MAOB: variants seen among roughly 807,000 people sequenced by gnomAD.
The protein encoded by MAOB is monoamine oxidase B, also known as amine oxidase [flavin-containing] B.
A neutral mutation model predicts 41.9 loss-of-function variants in MAOB; 15 were observed. That is an observed-to-expected ratio of 0.36 (90% CI 0.24 to 0.55). MAOB has a LOEUF of 0.55. Among genes scored for constraint, MAOB ranks in the 20% least tolerant of loss-of-function variants. The pLI, the probability that MAOB is intolerant of heterozygous loss-of-function variation, is 0.86. For missense variants in MAOB, 345 were observed against 398.7 expected (o/e 0.87, Z 1.15); for synonymous variants, 167 against 144.2 (o/e 1.16, Z -1.13).
chrX:43,817,971 G>A (rs1040877840), intron 3 of MAOB, among the ~76,000 whole-genome samples: 1 of 111,983 alleles, frequency 8.9e-6, no homozygotes, highest in Non-Finnish European at 1.9e-5. Context: ...TTTTTCACTG[G>A]TGTATTCCCA....
intron 2 of MAOB, among the ~76,000 whole-genome samples, chrX:43,841,605 A>G (rs186199538): frequency 0.012 from 1,393 of 112,105 alleles, 12 homozygotes; most frequent in South Asian, 0.033. Flanking sequence ...AGCCAAAACA[A>G]TCTTGTACAA....
intron 11 of MAOB, among the ~76,000 whole-genome samples, chrX:43,777,387 C>CA (rs374282429): frequency 3.1e-3 from 299 of 95,107 alleles, no homozygotes; most frequent in African/African-American, 9.5e-3. Flanking sequence ...TATATGAAAG[C>CA]AAAAAAAAAA....
rs1263988686 is a variant in MAOB at position 43,767,253 on chromosome X, G to T, written c.*213C>A. 3 of 358,665 alleles carry T rather than the reference G, an allele frequency of 8.4e-6. No homozygotes were observed. Among genetic ancestry groups the T allele is most frequent in the Non-Finnish European group, 1.4e-5 (3 of 210,974 alleles). 29.6% of individuals were successfully genotyped at this position (358,665 alleles called of 1,213,427 possible). On this transcript the variant is annotated 3_prime_UTR_variant, in exon 15 of 15. Coordinates refer to ENST00000378069, the MANE Select transcript of MAOB (RefSeq NM_000898.5). Reference sequence around the variant, plus strand: ...GAGGGCAATAAACTTGGAAACTGGTGAAACAGAACGCTAAGCCAGGTAAGG... The same window carrying T: ...GAGGGCAATAAACTTGGAAACTGGTTAAACAGAACGCTAAGCCAGGTAAGG...
rs951662435 is a variant in MAOB at position 43,839,490 on chromosome X, C to T, written c.142-485G>A. Among the ~76,000 whole-genome samples, 22 of 111,979 alleles carry T rather than the reference C, an allele frequency of 2.0e-4. No individual in the cohort carries two copies. The South Asian group carries it at 2.2e-3, about 11-fold the overall frequency. On this transcript the variant is annotated intron_variant, in intron 2 of 14. Transcript: ENST00000378069. Reference sequence around the variant, plus strand: ...GCTTTTATGTTTAATAGTATATTTACGTAGTTTTGAATTGGTTTCATTTCC... The same window carrying T: ...GCTTTTATGTTTAATAGTATATTTATGTAGTTTTGAATTGGTTTCATTTCC...
In MAOB at chrX:43,862,791, CAT is replaced by C. The variant is rs760994141; in HGVS notation, c.47-19029_47-19028del. ...ATGAGTTACCTACCCAGTTCAGAAACATAAACAAATACTGGTTCATTCAGAAA... is the reference window on the plus strand; with the variant it reads ...ATGAGTTACCTACCCAGTTCAGAAACAAACAAATACTGGTTCATTCAGAAA... On this transcript the variant is annotated intron_variant, in intron 1 of 14. Coordinates refer to ENST00000378069, the MANE Select transcript of MAOB (RefSeq NM_000898.5). Among the ~76,000 whole-genome samples the C allele has an allele frequency of 4.5e-5, 5 of 111,683 alleles. No individual in the cohort carries two copies. The East Asian group carries it at 8.4e-4, about 19-fold the overall frequency.
chrX:43,789,070 C>T (rs1391166956), intron 8 of MAOB, among the ~76,000 whole-genome samples: 3 of 111,761 alleles, frequency 2.7e-5, no homozygotes, highest in Non-Finnish European at 5.6e-5. Flanking sequence ...GTTTCAAATA[C>T]ATCTTATACA....
At chrX:43,876,236 A>T (rs2035438771) in intron 1 of MAOB, among the ~76,000 whole-genome samples, 1 of 112,120 alleles carries the variant, frequency 8.9e-6, no homozygotes. Flanking sequence ...CTGGGATTAC[A>T]GGTGTGAGCC....
intron 1 of MAOB, among the ~76,000 whole-genome samples, chrX:43,855,550 G>A (rs2035282341): frequency 9.0e-6 from 1 of 111,276 alleles, no homozygotes; most frequent in South Asian, 3.8e-4. Context: ...TGGGGATTGA[G>A]TGGCACCCTT....
At chrX:43,788,124 A>C (rs989763235) in intron 8 of MAOB, among the ~76,000 whole-genome samples, 7 of 111,217 alleles carry the variant, frequency 6.3e-5, no homozygotes, top group Non-Finnish European at 1.3e-4. Flanking sequence ...TCATGGCTGA[A>C]GGTGAAGAGG....
intron 3 of MAOB, among the ~76,000 whole-genome samples, chrX:43,820,764 G>A (rs1365880692): frequency 9.0e-6 from 1 of 111,714 alleles, no homozygotes; most frequent in African/African-American, 3.3e-5. Context: ...TAGTATTATG[G>A]GTCATCAGTG....
intron 3 of MAOB, among the ~76,000 whole-genome samples, chrX:43,838,240 A>T (rs1181865895): frequency 9.0e-6 from 1 of 111,089 alleles, no homozygotes; most frequent in African/African-American, 3.3e-5. Context: ...AAGAGAAGAA[A>T]AGAGTCACAG....
chrX:43,841,724 G>A (rs1352820156), intron 2 of MAOB, among the ~76,000 whole-genome samples: 1 of 111,673 alleles, frequency 9.0e-6, no homozygotes, highest in African/African-American at 3.3e-5. Context: ...CCAACCAATA[G>A]AACAGGATAG....
At position 43,838,973 on chromosome X, in the gene MAOB, T is replaced by C; in HGVS notation, c.174A>G (p.Gly58=). ...NQKVKYVDLG[G]SYVGPTQNRI... is the part of the protein sequence containing the mutation. The stretch of plus-strand genomic sequence containing the variant: ...GATTCTGGGTTGGTCCAACATAGGA[T>C]CCTCCAAGGTCCACATATTTAACCT... Residue 58 remains glycine (G), a synonymous_variant, in exon 3 of 15, where the codon GGA becomes GGG. Coordinates refer to ENST00000378069, the MANE Select transcript of MAOB (RefSeq NM_000898.5). 8.4e-7 allele frequency: 1 copy of C among 1,195,475 alleles called. No individual in the cohort carries two copies.
chrX:43,852,083 T>G (rs925828949), intron 1 of MAOB, among the ~76,000 whole-genome samples: 2 of 111,996 alleles, frequency 1.8e-5, no homozygotes, highest in African/African-American at 6.5e-5. Context: ...CCTGGCTGCA[T>G]AACCTCAGAC....
chrX:43,860,004 C>T (rs184410902), intron 1 of MAOB, among the ~76,000 whole-genome samples: 197 of 112,259 alleles, frequency 1.8e-3, no homozygotes, highest in African/African-American at 5.7e-3. Context: ...GTGGGCACAC[C>T]TTTGTCCTTA....
chrX:43,858,599 G>T (rs142778969), intron 1 of MAOB, among the ~76,000 whole-genome samples: 2 of 110,298 alleles, frequency 1.8e-5, no homozygotes, highest in African/African-American at 6.6e-5. Flanking sequence ...CAGGCCCCAG[G>T]GTGTGTTAGG....
chrX:43,795,713 T>C, intron 7 of MAOB, 26 bp downstream of exon 7: 3 of 1,142,097 alleles, frequency 2.6e-6, no homozygotes, highest in Non-Finnish European at 3.6e-6. Flanking sequence ...GAAGATCAAA[T>C]ATATATTTCA....
rs5952768 is a variant in MAOB at position 43,811,923 on chromosome X, G to A, written c.280-8519C>T. ...AGTCACCCTGTTGTGCCATCAAACA[G>A]TAGGTCTTATTCATTCTTTAACTAT... On this transcript the variant is annotated intron_variant, in intron 3 of 14. Transcript: ENST00000378069. Among the ~76,000 whole-genome samples the A allele has an allele frequency of 5.5e-3, 617 of 111,544 alleles. 3 individuals carry two copies. The highest frequency in any genetic ancestry group is 0.019 in the African/African-American group (581 of 30,681).
Position 43,769,362 on chromosome X carries a change from T to C in MAOB, c.1292A>G (p.His431Arg), listed in dbSNP as rs897686214. 24 of 1,206,791 alleles carry C rather than the reference T, an allele frequency of 2.0e-5. No homozygotes were observed. The highest frequency in any genetic ancestry group is 2.2e-5 in the Non-Finnish European group (20 of 894,326). ...IYFAGTETAT[H>R]WSGYMEGAVE... ...AGCCCCCTCCATGTAGCCGCTCCAG[T>C]GTGTGGCAGTCTCGGTGCCTGCAAA... The change falls in exon 13 of 15, where the codon CAC becomes CGC. Residue 431 changes from histidine (H) to arginine (R), a missense_variant. Transcript: ENST00000378069.
Sources: gnomAD v4.1 joint callset for allele counts (sites outside exome capture counted in the v4.1 genomes callset) on GRCh38, gnomAD v4.1.1 for gene constraint, MANE v1.5 for transcripts, NCBI Gene and HGNC (gene_info 2026-07-23, HGNC 2026-07-21) for gene names.